Variants in LRP1B observed in about 807,000 individuals in gnomAD.
LRP1B encodes LDL receptor related protein 1B, also known as low-density lipoprotein receptor-related protein 1B.
In LRP1B, 217 loss-of-function variants were observed where a neutral mutation model predicts 556.6. That is an observed-to-expected ratio of 0.39 (90% CI 0.35 to 0.44). LRP1B has a LOEUF of 0.44. Among genes scored for constraint, LRP1B ranks in the 20% least tolerant of loss-of-function variants. The pLI is 1.00. For synonymous variants in LRP1B, 2,047 were observed against 1,865.8 expected (o/e 1.10, Z -2.50); for missense variants, 5,053 against 5,620.8 (o/e 0.90, Z 3.23).
At chr2:141,850,952 C>G (rs1275581790) in intron 1 of LRP1B, among the ~76,000 whole-genome samples, 1 of 151,600 alleles carries the variant, frequency 6.6e-6, no homozygotes, top group East Asian at 1.9e-4. Context: ...TATATAACTC[C>G]TTTGGGCTCT....
At chr2:141,391,991 A>G (rs1159445445) in intron 3 of LRP1B, among the ~76,000 whole-genome samples, 1 of 152,156 alleles carries the variant, frequency 6.6e-6, no homozygotes, top group Non-Finnish European at 1.5e-5. Context: ...AGATGCATGT[A>G]TATCCAAAGC....
chr2:140,657,050 T>C (rs1684903838), intron 41 of LRP1B, among the ~76,000 whole-genome samples: 1 of 152,266 alleles, frequency 6.6e-6, no homozygotes, highest in African/African-American at 2.4e-5. Context: ...ACAGAGCTTC[T>C]ATATATACCT....
intron 66 of LRP1B, among the ~76,000 whole-genome samples, chr2:140,402,917 C>G (rs2105231666): frequency 6.6e-6 from 1 of 152,178 alleles, no homozygotes; most frequent in South Asian, 2.1e-4. Flanking sequence ...TTCAAGAGAC[C>G]TCTGCCATTA....
chr2:141,384,104 T>G (rs897016668), intron 3 of LRP1B, among the ~76,000 whole-genome samples: 7 of 152,188 alleles, frequency 4.6e-5, no homozygotes, highest in Non-Finnish European at 7.3e-5. Context: ...ACCTTAAATA[T>G]ATACATTTTT....
chr2:141,489,448 G>T (rs1402939219), intron 2 of LRP1B, among the ~76,000 whole-genome samples: 3 of 151,842 alleles, frequency 2.0e-5, no homozygotes, highest in Non-Finnish European at 4.4e-5. Context: ...AATTACCATA[G>T]CTGAGAATTC....
chr2:141,421,454 G>T (rs374595259), intron 3 of LRP1B, among the ~76,000 whole-genome samples: 38 of 150,282 alleles, frequency 2.5e-4, no homozygotes, highest in African/African-American at 8.5e-4. Flanking sequence ...GCGTGAACCC[G>T]GGAGGCGGAG....
chr2:140,612,360 T>C (rs1683100905), intron 41 of LRP1B, among the ~76,000 whole-genome samples: 1 of 152,168 alleles, frequency 6.6e-6, no homozygotes, highest in South Asian at 2.1e-4. Context: ...TTTTTTGATT[T>C]GTATTTCTTA....
chr2:142,088,215 A>C (rs372331282), intron 1 of LRP1B, among the ~76,000 whole-genome samples: 19 of 152,192 alleles, frequency 1.2e-4, no homozygotes, highest in African/African-American at 4.6e-4. Flanking sequence ...ATACTACTTG[A>C]TATTTAGAAG....
chr2:141,396,514 T>C (rs80046734), intron 3 of LRP1B, among the ~76,000 whole-genome samples: 12,617 of 152,082 alleles, frequency 0.083, 846 homozygotes, highest in African/African-American at 0.18. Context: ...TGATAAAAAT[T>C]TTACTCATAT....
At chr2:141,392,239 A>T (rs1404078897) in intron 3 of LRP1B, among the ~76,000 whole-genome samples, 2 of 152,086 alleles carry the variant, frequency 1.3e-5, no homozygotes, top group Non-Finnish European at 2.9e-5. Flanking sequence ...TTTACCATAG[A>T]TACTCCCCAT....
At chr2:141,538,667 C>T (rs917200482) in intron 2 of LRP1B, among the ~76,000 whole-genome samples, 1 of 126,414 alleles carries the variant, frequency 7.9e-6, no homozygotes, top group Non-Finnish European at 1.9e-5. Flanking sequence ...GACACAGTCT[C>T]GCTCTGTCAC....
chr2:141,191,487 T>A (rs114573257), intron 6 of LRP1B, among the ~76,000 whole-genome samples: 2,595 of 151,968 alleles, frequency 0.017, 44 homozygotes, highest in Middle Eastern at 0.044. Context: ...TTTGTAAGGG[T>A]ATATTGTCAA....
chr2:141,812,373 C>G (rs917738297), intron 1 of LRP1B, among the ~76,000 whole-genome samples: 1 of 152,036 alleles, frequency 6.6e-6, no homozygotes, highest in Admixed American at 6.6e-5. Flanking sequence ...CCAAGTTTAT[C>G]CCAGAAAAGT....
At chr2:140,815,937 C>G (rs1031527311) in intron 31 of LRP1B, among the ~76,000 whole-genome samples, 6 of 149,764 alleles carry the variant, frequency 4.0e-5, no homozygotes, top group African/African-American at 1.2e-4. Context: ...TAGACTGTGC[C>G]TAGAGGAAAG....
In LRP1B at chr2:141,068,250, C is replaced by G. The variant is rs547758157; in HGVS notation, c.1014-5977G>C. 8.6e-5 allele frequency among the ~76,000 whole-genome samples: 13 copies of G among 152,024 alleles called. No homozygotes were observed. The East Asian group carries it at 2.1e-3, about 25-fold the overall frequency. On this transcript the variant is annotated intron_variant, in intron 7 of 90. Coordinates refer to ENST00000389484, the MANE Select transcript of LRP1B (RefSeq NM_018557.3). Reference sequence around the variant, plus strand: ...ACACCAAGGGAATAGAGGACGCAGACATACAAGTGGGTTTAGGAGTGGAGG... The same window carrying G: ...ACACCAAGGGAATAGAGGACGCAGAGATACAAGTGGGTTTAGGAGTGGAGG...
chr2:140,368,817 G>A (rs760002461), intron 71 of LRP1B, among the ~76,000 whole-genome samples: 6 of 151,670 alleles, frequency 4.0e-5, no homozygotes, highest in African/African-American at 1.2e-4. Flanking sequence ...CAATACCTAC[G>A]CCACTTCCTG....
At chr2:141,471,288 T>TTTTTTTTTTCTC (rs1682463427) in intron 3 of LRP1B, among the ~76,000 whole-genome samples, 1 of 100,700 alleles carries the variant, frequency 9.9e-6, no homozygotes, top group African/African-American at 2.8e-5. Context: ...TTTTTTTTTT[T>TTTTTTTTTTCTC]TTTTTTACTC....
chr2:142,089,043 G>A (rs1405946293), intron 1 of LRP1B, among the ~76,000 whole-genome samples: 3 of 146,400 alleles, frequency 2.0e-5, no homozygotes, highest in Non-Finnish European at 4.5e-5. Context: ...CATTATTTTT[G>A]TCAACAAATT....
chr2:142,127,526 T>A (rs757440649), intron 1 of LRP1B, among the ~76,000 whole-genome samples: 6 of 151,934 alleles, frequency 3.9e-5, no homozygotes, highest in Non-Finnish European at 8.8e-5. Flanking sequence ...TTTCTTTACC[T>A]TTTCCATTTT....
Sources: allele counts gnomAD v4.1 joint callset (sites outside exome capture counted in the v4.1 genomes callset), GRCh38; gene constraint gnomAD v4.1.1; transcripts MANE v1.5; gene names NCBI Gene and HGNC (gene_info 2026-07-23, HGNC 2026-07-21).